Variants in BTC observed in about 807,000 individuals in gnomAD.
The protein encoded by BTC is probetacellulin.
Under a neutral mutation model 18.1 loss-of-function variants are expected in BTC, and 13 were observed. The observed-to-expected ratio is 0.72, with a 90% CI of 0.47 to 1.14. The LOEUF is 1.14. BTC is among the 50% of genes most tolerant of loss of function. The probability of loss-of-function intolerance (pLI) is 0.00; values close to 1 mark genes in which losing one functional copy is unlikely to be tolerated. For missense variants in BTC, 247 were observed against 224.2 expected (o/e 1.10, Z -0.65); for synonymous variants, 83 against 79.4 (o/e 1.05, Z -0.24).
At chr4:74,762,533 G>A (rs778082646) in intron 2 of BTC, among the ~76,000 whole-genome samples, 13 of 151,834 alleles carry the variant, frequency 8.6e-5, no homozygotes, top group Admixed American at 1.3e-4. Context: ...GATGCTATAC[G>A]CCAAAGGAAT....
intron 1 of BTC, among the ~76,000 whole-genome samples, chr4:74,776,254 A>G (rs1470811699): frequency 6.6e-6 from 1 of 152,072 alleles, no homozygotes; most frequent in African/African-American, 2.4e-5. Flanking sequence ...TATCATTCAA[A>G]TATTTCACAA....
At chr4:74,793,546 A>G (rs1411366470) in intron 1 of BTC, among the ~76,000 whole-genome samples, 1 of 152,152 alleles carries the variant, frequency 6.6e-6, no homozygotes, top group South Asian at 2.1e-4. Context: ...CAAAATGACC[A>G]TGATGCAGAG....
chr4:74,752,332 T>A (rs1047543445), intron 3 of BTC, among the ~76,000 whole-genome samples: 1 of 151,060 alleles, frequency 6.6e-6, no homozygotes, highest in African/African-American at 2.4e-5. Flanking sequence ...TCTTGAGATA[T>A]CAAAAATCTG....
At chr4:74,777,332 A>G (rs892531012) in intron 1 of BTC, among the ~76,000 whole-genome samples, 1 of 152,166 alleles carries the variant, frequency 6.6e-6, no homozygotes, top group African/African-American at 2.4e-5. Context: ...AATGCCTTGC[A>G]CAGGGTAAGC....
chr4:74,749,981 C>T (rs1345145076), intron 4 of BTC, among the ~76,000 whole-genome samples: 12 of 150,982 alleles, frequency 7.9e-5, no homozygotes, highest in Non-Finnish European at 1.8e-4. Context: ...TTGTATTCCC[C>T]GCTACTCAGG....
At chr4:74,783,240 A>G (rs1725384632) in intron 1 of BTC, among the ~76,000 whole-genome samples, 1 of 152,154 alleles carries the variant, frequency 6.6e-6, no homozygotes, top group Admixed American at 6.6e-5. Context: ...TGGGTTTGAC[A>G]TTTAAGTATT....
chr4:74,767,147 G>A (rs533580578), intron 2 of BTC, among the ~76,000 whole-genome samples: 46 of 151,122 alleles, frequency 3.0e-4, no homozygotes, highest in Non-Finnish European at 6.5e-4. Flanking sequence ...GTTTGAAGAT[G>A]ACATGATCCT....
chr4:74,786,976 T>C lies in BTC; in HGVS notation c.64+7286A>G, dbSNP rs981039160. Among the ~76,000 whole-genome samples, 19 of 152,200 alleles carry C rather than the reference T, an allele frequency of 1.2e-4. No individual in the cohort carries two copies. The Middle Eastern group carries it at 0.01, about 82-fold the overall frequency. On this transcript the variant is annotated intron_variant, in intron 1 of 5. Coordinates refer to ENST00000395743, the MANE Select transcript of BTC (RefSeq NM_001729.4). ...GCCAACAAGAAATACAATTTTTTTT[T>C]TTTTTTACTTAACCTGTTGTTATTT...
chr4:74,766,562 T>C (rs928944830), intron 2 of BTC, among the ~76,000 whole-genome samples: 1 of 151,992 alleles, frequency 6.6e-6, no homozygotes, highest in Non-Finnish European at 1.5e-5. Context: ...GATTGAATCA[T>C]AAAGAAACAG....
chr4:74,763,694 G>C (rs116208729), intron 2 of BTC, among the ~76,000 whole-genome samples: 2,763 of 152,124 alleles, frequency 0.018, 36 homozygotes, highest in South Asian at 0.054. Flanking sequence ...CACTTTTCAC[G>C]GATGCTGAGG....
chr4:74,787,131 G>A (rs1725500730), intron 1 of BTC, among the ~76,000 whole-genome samples: 1 of 152,102 alleles, frequency 6.6e-6, no homozygotes, highest in Non-Finnish European at 1.5e-5. Context: ...AGTTAAACAA[G>A]TGAATGAATC....
At chr4:74,767,298 T>C (rs1161464847) in intron 2 of BTC, among the ~76,000 whole-genome samples, 1 of 151,692 alleles carries the variant, frequency 6.6e-6, no homozygotes, top group Non-Finnish European at 1.5e-5. Context: ...AATCACGAAC[T>C]ATTCAAAAAG....
intron 3 of BTC, 132 bp downstream of exon 3, chr4:74,755,727 G>A (rs1207886945): frequency 1.4e-5 from 11 of 798,510 alleles, no homozygotes; most frequent in Non-Finnish European, 2.2e-5. Flanking sequence ...TAAACAAGTG[G>A]CTGGGGGCAG....
intron 1 of BTC, among the ~76,000 whole-genome samples, chr4:74,779,958 C>T (rs1390788543): frequency 6.6e-6 from 1 of 151,964 alleles, no homozygotes; most frequent in East Asian, 1.9e-4. Context: ...CAAAAAGTGG[C>T]AATGTGTTAA....
In BTC at chr4:74,754,438, C is replaced by G. The variant is rs116587139; in HGVS notation, c.281+1421G>C. ...GATAAGAGCTTTCATAGAGGTGTGG[C>G]TAGATCACAGGGGAAGGACATCTAA... On this transcript the variant is annotated intron_variant, in intron 3 of 5. Coordinates refer to ENST00000395743, the MANE Select transcript of BTC (RefSeq NM_001729.4). Among the ~76,000 whole-genome samples the G allele has an allele frequency of 7.7e-3, 1,168 of 152,200 alleles. 15 individuals carry two copies. Among genetic ancestry groups the G allele is most frequent in the African/African-American group, 0.027 (1,106 of 41,514 alleles).
At chr4:74,793,968 C>T (rs1725701112) in intron 1 of BTC, among the ~76,000 whole-genome samples, 1 of 151,812 alleles carries the variant, frequency 6.6e-6, no homozygotes, top group South Asian at 2.1e-4. Flanking sequence ...GCTGTGCGCA[C>T]AAGTCAGCAG....
At position 74,746,300 on chromosome 4, in the gene BTC, C is replaced by A. The variant is rs529416909; in HGVS notation, c.*377G>T. The A allele has an allele frequency of 2.2e-4, 33 of 152,306 alleles. No individual in the cohort carries two copies. The South Asian group carries it at 4.6e-3, about 21-fold the overall frequency. 9.4% of individuals were successfully genotyped at this position (152,306 alleles called of 1,614,324 possible). A position where few individuals can be genotyped will look rare whatever the true frequency, so the allele number is the denominator to read the frequency against. On this transcript the variant is annotated 3_prime_UTR_variant, in exon 6 of 6. Transcript: ENST00000395743. ...AATAAAGGAAATAATATATTTCAAA[C>A]TTATTAGCACATGGTAAATGCTTGA...
chr4:74,789,346 T>C lies in BTC; in HGVS notation c.64+4916A>G, dbSNP rs1018441172. Among the ~76,000 whole-genome samples the C allele has an allele frequency of 9.9e-5, 15 of 152,244 alleles. 1 individual carries two copies. Among genetic ancestry groups the C allele is most frequent in the Admixed American group, 9.8e-4 (15 of 15,286 alleles). On this transcript the variant is annotated intron_variant, in intron 1 of 5. Coordinates refer to ENST00000395743, the MANE Select transcript of BTC (RefSeq NM_001729.4). ...CTCCAATTAGCTTAATAAACACTGA[T>C]TCTAGTTCTTTTTAGACAAATACCT...
intron 2 of BTC, 34 bp downstream of exon 2, chr4:74,770,024 C>G: frequency 6.5e-7 from 1 of 1,531,036 alleles, no homozygotes; most frequent in Non-Finnish European, 9.0e-7. Context: ...AAAATTAAAA[C>G]TCAGATTTGA....
Sources: allele counts gnomAD v4.1 joint callset (sites outside exome capture counted in the v4.1 genomes callset), GRCh38; gene constraint gnomAD v4.1.1; transcripts MANE v1.5; gene names NCBI Gene and HGNC (gene_info 2026-07-23, HGNC 2026-07-21).